The following KIAA1217 variants were observed in gnomAD, a reference collection of about 807,000 sequenced individuals.
The protein encoded by KIAA1217 is KIAA1217.
KIAA1217 carries 88 observed loss-of-function variants against 163.9 expected under a neutral mutation model. That is an observed-to-expected ratio of 0.54 (90% confidence interval 0.45 to 0.64). KIAA1217 has a LOEUF of 0.64. KIAA1217 is among the 30% of genes least tolerant of loss of function. KIAA1217 has a pLI of 0.00. For synonymous variants in KIAA1217, 903 were observed against 923.1 expected (o/e 0.98, Z 0.39); for missense variants, 2,372 against 2,475.0 (o/e 0.96, Z 0.88).
intron 2 of KIAA1217, among the ~76,000 whole-genome samples, chr10:24,300,331 A>G (rs930247131): frequency 3.9e-5 from 6 of 152,188 alleles, no homozygotes; most frequent in Admixed American, 2.6e-4. Context: ...AAGTGACCAC[A>G]TGGCCACCTG....
chr10:24,017,588 T>C (rs1189790396), intron 2 of KIAA1217, among the ~76,000 whole-genome samples: 1 of 152,104 alleles, frequency 6.6e-6, no homozygotes, highest in Non-Finnish European at 1.5e-5. Context: ...AAACACAGTA[T>C]ACTCAACTTT....
chr10:24,045,908 A>T (rs1306926663), intron 2 of KIAA1217, among the ~76,000 whole-genome samples: 3 of 152,048 alleles, frequency 2.0e-5, no homozygotes, highest in Non-Finnish European at 4.4e-5. Context: ...ACTCATGTTC[A>T]CCTATGGAGA....
At chr10:23,813,561 T>A (rs775172943) in intron 1 of KIAA1217, among the ~76,000 whole-genome samples, 1 of 152,184 alleles carries the variant, frequency 6.6e-6, no homozygotes, top group African/African-American at 2.4e-5. Flanking sequence ...TTGGAAAATA[T>A]TTATAAAATG....
chr10:24,236,767 T>C (rs1363782630), intron 2 of KIAA1217, among the ~76,000 whole-genome samples: 3 of 151,352 alleles, frequency 2.0e-5, no homozygotes, highest in African/African-American at 7.3e-5. Flanking sequence ...TCCTCTCACC[T>C]CAACCTCCCA....
upstream of KIAA1217, among the ~76,000 whole-genome samples, chr10:24,205,806 A>T (rs1383855572): frequency 6.6e-6 from 1 of 152,074 alleles, no homozygotes; most frequent in Non-Finnish European, 1.5e-5. Context: ...AAAAGGAAAA[A>T]TTTACATGAA....
intron 6 of KIAA1217, chr10:24,481,615 C>T (rs2064711613): frequency 6.6e-6 from 1 of 152,186 alleles, no homozygotes; most frequent in Admixed American, 6.5e-5. Flanking sequence ...AAAGAGGCTT[C>T]CATGGGCCAG....
At chr10:24,277,327 A>G (rs958362484) in intron 2 of KIAA1217, among the ~76,000 whole-genome samples, 1 of 152,178 alleles carries the variant, frequency 6.6e-6, no homozygotes, top group African/African-American at 2.4e-5. Context: ...TTCCCACTCA[A>G]AGTGGAGCAA....
chr10:24,360,178 C>T (rs2049781079), intron 2 of KIAA1217, among the ~76,000 whole-genome samples: 1 of 150,580 alleles, frequency 6.6e-6, no homozygotes, highest in South Asian at 2.1e-4. Flanking sequence ...TCCCGAGTAG[C>T]TGGGATTACA....
chr10:24,196,565 T>C (rs2066998989), intron 2 of KIAA1217, among the ~76,000 whole-genome samples: 2 of 152,222 alleles, frequency 1.3e-5, no homozygotes, highest in African/African-American at 4.8e-5. Context: ...GGAAAAAGTT[T>C]ACACCTTGAA....
At chr10:24,225,837 T>TG (rs2070445516) in intron 2 of KIAA1217, among the ~76,000 whole-genome samples, 1 of 152,238 alleles carries the variant, frequency 6.6e-6, no homozygotes, top group Non-Finnish European at 1.5e-5. Flanking sequence ...GTAGAAACCT[T>TG]GTCTTACCAC....
intron 1 of KIAA1217, among the ~76,000 whole-genome samples, chr10:23,907,464 C>G (rs561589144): frequency 1.3e-5 from 2 of 152,104 alleles, no homozygotes; most frequent in Non-Finnish European, 1.5e-5. Context: ...GCTGGAGAAC[C>G]AGGAAAGCCA....
At chr10:23,826,773 C>G (rs1156854917) in intron 1 of KIAA1217, among the ~76,000 whole-genome samples, 1 of 152,138 alleles carries the variant, frequency 6.6e-6, no homozygotes. Context: ...CAAGGGCTAT[C>G]ATATTCTCGG....
chr10:24,135,462 G>T (rs1398621095), intron 2 of KIAA1217, among the ~76,000 whole-genome samples: 1 of 151,912 alleles, frequency 6.6e-6, no homozygotes, highest in Non-Finnish European at 1.5e-5. Flanking sequence ...GAGTTTGCAG[G>T]TTCCCAGTCC....
chr10:23,836,265 C>T (rs1588914511), intron 1 of KIAA1217, among the ~76,000 whole-genome samples: 1 of 151,962 alleles, frequency 6.6e-6, no homozygotes. Context: ...TGTTTTGTTT[C>T]GTAGTTTATT....
chr10:24,183,994 A>G (rs1363575966), intron 2 of KIAA1217, among the ~76,000 whole-genome samples: 1 of 152,206 alleles, frequency 6.6e-6, no homozygotes, highest in Non-Finnish European at 1.5e-5. Flanking sequence ...ATCTCCCCTG[A>G]GCCCTCCCAA....
At chr10:24,292,497 G>A (rs949305250) in intron 2 of KIAA1217, among the ~76,000 whole-genome samples, 2 of 152,200 alleles carry the variant, frequency 1.3e-5, no homozygotes, top group Non-Finnish European at 2.9e-5. Flanking sequence ...CAACCATGAA[G>A]AGGTTAAAGA....
chr10:24,313,214 T>G (rs1400896787), intron 2 of KIAA1217, among the ~76,000 whole-genome samples: 1 of 152,168 alleles, frequency 6.6e-6, no homozygotes, highest in Non-Finnish European at 1.5e-5. Flanking sequence ...GTTCAGTTAT[T>G]GATTTTTAGG....
intron 2 of KIAA1217, among the ~76,000 whole-genome samples, chr10:24,360,740 C>T (rs146283492): frequency 1.6e-4 from 25 of 152,246 alleles, no homozygotes; most frequent in African/African-American, 5.8e-4. Context: ...ACGTAATCAA[C>T]GTGAGGAAAC....
At chr10:23,948,551 G>C (rs1200670752) in intron 1 of KIAA1217, among the ~76,000 whole-genome samples, 1 of 151,998 alleles carries the variant, frequency 6.6e-6, no homozygotes, top group East Asian at 1.9e-4. Context: ...GTTACAATGT[G>C]ATTTTGAGGG....
Sources: allele counts gnomAD v4.1 joint callset (sites outside exome capture counted in the v4.1 genomes callset), GRCh38; gene constraint gnomAD v4.1.1; transcripts MANE v1.5; gene names NCBI Gene and HGNC (gene_info 2026-07-23, HGNC 2026-07-21).